The following ATP8A1 variants were observed in gnomAD, a reference collection of about 807,000 sequenced individuals.
ATP8A1 encodes the protein ATPase phospholipid transporting 8A1, also known as phospholipid-transporting ATPase IA.
Under a neutral mutation model 177.7 loss-of-function variants are expected in ATP8A1, and 90 were observed. The ratio of observed to expected loss-of-function variants is 0.51; its 90% confidence interval spans 0.43 to 0.60. ATP8A1 has a LOEUF of 0.60. Ranked by LOEUF, ATP8A1 falls within the 20% of genes least tolerant of loss-of-function variation. The probability of loss-of-function intolerance (pLI) is 0.00; values close to 1 mark genes in which losing one functional copy is unlikely to be tolerated. For missense variants in ATP8A1, 1,072 were observed against 1,392.8 expected (o/e 0.77, Z 3.67); for synonymous variants, 493 against 485.9 (o/e 1.01, Z -0.19).
Position 42,605,722 on chromosome 4 carries a change from C to T in ATP8A1, c.410-5204G>A, listed in dbSNP as rs1388688212. ...TTATTTACCTCCTTTCTCCAACCGA[C>T]CTTTTGCGAATCTTTGTCTCCAGCC... On this transcript the variant is annotated intron_variant, in intron 5 of 36. Transcript: ENST00000381668. Among the ~76,000 whole-genome samples the T allele has an allele frequency of 3.3e-5, 5 of 152,178 alleles. No homozygotes were observed. The South Asian group carries it at 8.3e-4, about 25-fold the overall frequency.
At chr4:42,559,111 T>G (rs1730551177) in intron 15 of ATP8A1, among the ~76,000 whole-genome samples, 1 of 152,138 alleles carries the variant, frequency 6.6e-6, no homozygotes, top group South Asian at 2.1e-4. Flanking sequence ...CCTTGAGCTC[T>G]GGAGTTTGGG....
chr4:42,543,910 AACTT>A lies in ATP8A1; in HGVS notation c.1722+3_1722+6del. ...TATAACTGTAAAAAATAAAAATAAA[AACTT>A]ACAGCTCCTTTGCAGTAGAGTCGTA... On this transcript the variant is annotated splice_donor_5th_base_variant and intron_variant, in intron 20 of 36. Coordinates refer to ENST00000381668, the MANE Select transcript of ATP8A1 (RefSeq NM_006095.2). The A allele has an allele frequency of 6.3e-7, 1 of 1,598,004 alleles. No individual in the cohort carries two copies. The highest frequency in any genetic ancestry group is 8.5e-7 in the Non-Finnish European group (1 of 1,170,772).
rs1733096381 is a variant in ATP8A1 at position 42,581,726 on chromosome 4, A to AACGGTG, written c.723_728dup (p.Thr242_Val243dup). ...GAAGAATCTGATCTGCTCCCAGTGG[A>AACGGTG]ACGGTGCTAGGACAGATTACGTTGA... is the stretch of plus-strand genomic sequence containing the variant. On this transcript the variant is annotated inframe_insertion, in exon 10 of 37. Transcript: ENST00000381668. 1 of 1,612,708 alleles carries AACGGTG rather than the reference A, an allele frequency of 6.2e-7. No homozygotes were observed. Among genetic ancestry groups the AACGGTG allele is most frequent in the Non-Finnish European group, 8.5e-7 (1 of 1,178,780 alleles).
intron 30 of ATP8A1, among the ~76,000 whole-genome samples, chr4:42,450,674 G>T (rs565954649): frequency 1.3e-5 from 2 of 152,256 alleles, no homozygotes; most frequent in South Asian, 4.1e-4. Flanking sequence ...GCTAGAATAT[G>T]AAACCACTGC....
chr4:42,548,431 A>G (rs908775233), intron 19 of ATP8A1, among the ~76,000 whole-genome samples: 3 of 152,194 alleles, frequency 2.0e-5, no homozygotes, highest in African/African-American at 7.2e-5. Context: ...GATACACAGT[A>G]TTTGTACATA....
chr4:42,626,946 C>T, intron 2 of ATP8A1, 49 bp downstream of exon 2: 2 of 1,422,970 alleles, frequency 1.4e-6, no homozygotes, highest in Non-Finnish European at 2.0e-6. Flanking sequence ...TTGACCTAAC[C>T]AGCTCTGCTC....
chr4:42,602,301 C>T (rs760735905), intron 5 of ATP8A1, among the ~76,000 whole-genome samples: 12 of 152,204 alleles, frequency 7.9e-5, no homozygotes, highest in Non-Finnish European at 1.6e-4. Flanking sequence ...GCAGAGCTCA[C>T]CCAAACTGAT....
At chr4:42,600,437 T>C (rs199579595) in intron 6 of ATP8A1, 41 bp downstream of exon 6, 29 of 1,565,896 alleles carry the variant, frequency 1.9e-5, no homozygotes, top group Non-Finnish European at 2.3e-5. Flanking sequence ...TACACCGCTA[T>C]GTATTTCTTC....
chr4:42,459,061 G>A (rs1489913123), intron 27 of ATP8A1, among the ~76,000 whole-genome samples: 1 of 152,174 alleles, frequency 6.6e-6, no homozygotes, highest in Non-Finnish European at 1.5e-5. Context: ...TCTGGGAATT[G>A]ATTTAAAAGG....
intron 7 of ATP8A1, among the ~76,000 whole-genome samples, chr4:42,588,904 T>A (rs73810724): frequency 0.026 from 4,010 of 152,316 alleles, 175 homozygotes; most frequent in African/African-American, 0.09. Flanking sequence ...AAAGCGGATA[T>A]ATAGCTTTCT....
chr4:42,565,522 C>T (rs1290025342), intron 15 of ATP8A1, among the ~76,000 whole-genome samples: 1 of 152,130 alleles, frequency 6.6e-6, no homozygotes, highest in Non-Finnish European at 1.5e-5. Context: ...ACTAAAAACC[C>T]CAGTGAAATG....
chr4:42,609,190 C>T (rs1268424446), intron 5 of ATP8A1, among the ~76,000 whole-genome samples: 2 of 152,154 alleles, frequency 1.3e-5, no homozygotes, highest in African/African-American at 4.8e-5. Flanking sequence ...GCACGACCCC[C>T]TCACCAGCAG....
intron 14 of ATP8A1, among the ~76,000 whole-genome samples, chr4:42,572,776 T>A (rs982624514): frequency 6.6e-6 from 1 of 152,202 alleles, no homozygotes; most frequent in Non-Finnish European, 1.5e-5. Context: ...AAAAGGACTT[T>A]AGAAATGGTT....
intron 1 of ATP8A1, among the ~76,000 whole-genome samples, chr4:42,636,730 A>G (rs1560547674): frequency 2.6e-5 from 4 of 152,072 alleles, no homozygotes; most frequent in Non-Finnish European, 5.9e-5. Flanking sequence ...GAAACAGCCC[A>G]TTGCTTTCCT....
chr4:42,555,814 ACT>A (rs1318207798), intron 16 of ATP8A1, among the ~76,000 whole-genome samples, 152 bp downstream of exon 16: 2 of 149,636 alleles, frequency 1.3e-5, no homozygotes, highest in East Asian at 2.0e-4. Context: ...ACAGAGTGAG[ACT>A]CTGTCTCAAA....
rs16854454 is a variant in ATP8A1 at position 42,516,755 on chromosome 4, T to A, written c.1947+5405A>T. ...ACTATTAATTTTCAAAGGAATCTAGTAGCATAGTATGAATATGAGACAAAA... is the reference window on the plus strand; with the variant it reads ...ACTATTAATTTTCAAAGGAATCTAGAAGCATAGTATGAATATGAGACAAAA... On this transcript the variant is annotated intron_variant, in intron 22 of 36. Transcript: ENST00000381668. Among the ~76,000 whole-genome samples, 624 of 152,306 alleles carry A rather than the reference T, an allele frequency of 4.1e-3. 4 individuals carry two copies. Among genetic ancestry groups the A allele is most frequent in the African/African-American group, 0.014 (562 of 41,574 alleles).
At chr4:42,553,633 A>G (rs759927174) in intron 16 of ATP8A1, among the ~76,000 whole-genome samples, 6 of 152,044 alleles carry the variant, frequency 3.9e-5, no homozygotes, top group Non-Finnish European at 8.8e-5. Context: ...AAAAAAAAAT[A>G]ATAATGTGAA....
At chr4:42,614,619 C>G (rs1012041172) in intron 5 of ATP8A1, among the ~76,000 whole-genome samples, 2 of 152,126 alleles carry the variant, frequency 1.3e-5, no homozygotes, top group Admixed American at 1.3e-4. Context: ...GCTCATAAAC[C>G]TTCAACAGCG....
At position 42,655,027 on chromosome 4, in the gene ATP8A1, T is replaced by C. The variant is rs184985171; in HGVS notation, c.49+1798A>G. On this transcript the variant is annotated intron_variant, in intron 1 of 36. Transcript: ENST00000381668. The stretch of plus-strand genomic sequence containing the variant: ...AGCACATGCTGAAGCTATAATAAAC[T>C]GGAATCAACTAATCTCAGGGGAAAG... 1.2e-3 allele frequency among the ~76,000 whole-genome samples: 184 copies of C among 152,342 alleles called. 2 individuals are homozygous for C. The highest frequency in any genetic ancestry group is 4.1e-3 in the African/African-American group (171 of 41,588).
Sources: gnomAD v4.1 joint callset for allele counts (sites outside exome capture counted in the v4.1 genomes callset) on GRCh38, gnomAD v4.1.1 for gene constraint, MANE v1.5 for transcripts, NCBI Gene and HGNC (gene_info 2026-07-23, HGNC 2026-07-21) for gene names.